Variants in FRMD4B observed in about 807,000 individuals in gnomAD.
FRMD4B encodes FERM domain-containing protein 4B.
In FRMD4B, 74 loss-of-function variants were observed where a neutral mutation model predicts 141.5. The observed-to-expected ratio is 0.52, with a 90% CI of 0.43 to 0.63. The LOEUF (loss-of-function observed/expected upper bound fraction) is 0.63, where lower values mean the gene tolerates loss of function less well. Among genes scored for constraint, FRMD4B ranks in the 30% least tolerant of loss-of-function variants. FRMD4B has a pLI of 0.00. For synonymous variants in FRMD4B, 506 were observed against 467.9 expected (o/e 1.08, Z -1.05); for missense variants, 1,366 against 1,253.4 (o/e 1.09, Z -1.36).
intron 1 of FRMD4B, among the ~76,000 whole-genome samples, chr3:69,501,100 C>A (rs6770589): frequency 2.0e-5 from 3 of 152,074 alleles, no homozygotes; most frequent in Non-Finnish European, 4.4e-5. Context: ...CCAAAATTTG[C>A]ATATTTATTA....
intron 1 of FRMD4B, chr3:69,353,665 A>T: frequency 1.0e-6 from 1 of 984,912 alleles, no homozygotes; most frequent in Non-Finnish European, 1.2e-6. Flanking sequence ...GTGTGCGCGC[A>T]TGTGCTTGCA....
At position 69,420,700 on chromosome 3, in the gene FRMD4B, C is replaced by T. The variant is rs139269185; in HGVS notation, c.-1+11934G>A. 1.3e-3 allele frequency among the ~76,000 whole-genome samples: 200 copies of T among 152,264 alleles called. 1 individual carries two copies. Among genetic ancestry groups the T allele is most frequent in the Admixed American group, 3.1e-3 (47 of 15,288 alleles). ...GAAATGCACAATAATATGTAACATTCATACTGTGAAACACTATTTCAAAGC... is the reference window on the plus strand; with the variant it reads ...GAAATGCACAATAATATGTAACATTTATACTGTGAAACACTATTTCAAAGC... On this transcript the variant is annotated intron_variant, in intron 2 of 5. Coordinates refer to the FRMD4B transcript ENST00000459638.
intron 1 of FRMD4B, among the ~76,000 whole-genome samples, chr3:69,468,127 T>C (rs975291263): frequency 2.0e-5 from 3 of 152,024 alleles, no homozygotes; most frequent in Admixed American, 6.6e-5. Context: ...TTACATTCTG[T>C]TGCTTTGCTT....
At chr3:69,180,739 C>A (rs1473383511) in intron 21 of FRMD4B, among the ~76,000 whole-genome samples, 160 bp downstream of exon 21, 1 of 152,178 alleles carries the variant, frequency 6.6e-6, no homozygotes, top group South Asian at 2.1e-4. Context: ...CTGGAAAGAA[C>A]TGTTTTTAAG....
chr3:69,302,991 T>C (rs1265029479), intron 3 of FRMD4B, among the ~76,000 whole-genome samples: 1 of 152,090 alleles, frequency 6.6e-6, no homozygotes, highest in Non-Finnish European at 1.5e-5. Context: ...GGAGAATCGC[T>C]TGAACCCGGG....
At chr3:69,212,061 A>G (rs2093086425) in intron 11 of FRMD4B, among the ~76,000 whole-genome samples, 1 of 151,684 alleles carries the variant, frequency 6.6e-6, no homozygotes, top group Non-Finnish European at 1.5e-5. Context: ...AGAGAAGGCA[A>G]GAAAGTGATA....
Position 69,435,689 on chromosome 3 carries a change from G to T in FRMD4B, c.-128-2928C>A, listed in dbSNP as rs535921314. ...TCCTGGTTTAAACTGTGTTAATCAG[G>T]TTTCTTTACAGTAGGGCTTTTCAAG... On this transcript the variant is annotated intron_variant, in intron 1 of 5. Transcript: ENST00000459638. 3.9e-5 allele frequency among the ~76,000 whole-genome samples: 6 copies of T among 152,280 alleles called. No individual in the cohort carries two copies. In the South Asian group the frequency reaches 1.2e-3, roughly 32 times the overall value.
At chr3:69,493,927 A>G (rs1421350235) in intron 1 of FRMD4B, among the ~76,000 whole-genome samples, 1 of 152,230 alleles carries the variant, frequency 6.6e-6, no homozygotes, top group Non-Finnish European at 1.5e-5. Context: ...ACTGGGGTGC[A>G]GTAGTGGGGT....
intron 1 of FRMD4B, among the ~76,000 whole-genome samples, chr3:69,489,100 C>T (rs992104506): frequency 6.6e-5 from 10 of 151,584 alleles, no homozygotes; most frequent in Non-Finnish European, 2.9e-5. Flanking sequence ...TGTGAAAAGA[C>T]AATCCACTGT....
chr3:69,244,335 G>C (rs75810930), intron 7 of FRMD4B, among the ~76,000 whole-genome samples: 2,736 of 152,296 alleles, frequency 0.018, 88 homozygotes, highest in African/African-American at 0.062. Context: ...CGGAAATGCT[G>C]AATTCAAGAA....
chr3:69,498,307 T>A (rs576636763), intron 1 of FRMD4B, among the ~76,000 whole-genome samples: 1 of 152,168 alleles, frequency 6.6e-6, no homozygotes, highest in South Asian at 2.1e-4. Flanking sequence ...GAACTTATCA[T>A]TTAATATTTT....
chr3:69,271,984 AAAAAT>A (rs750102677), intron 5 of FRMD4B, among the ~76,000 whole-genome samples: 4 of 152,078 alleles, frequency 2.6e-5, no homozygotes, highest in East Asian at 1.9e-4. Context: ...CAAAAAAATA[AAAAAT>A]AAAATAAAAT....
chr3:69,380,652 C>T (rs1704092358), intron 1 of FRMD4B, among the ~76,000 whole-genome samples: 2 of 152,182 alleles, frequency 1.3e-5, no homozygotes, highest in South Asian at 2.1e-4. Flanking sequence ...ACAGACTCTG[C>T]CGTGTTCTGT....
chr3:69,441,611 T>C (rs188978372), intron 1 of FRMD4B, among the ~76,000 whole-genome samples: 3 of 152,328 alleles, frequency 2.0e-5, no homozygotes, highest in East Asian at 1.9e-4. Flanking sequence ...CTCCACATGA[T>C]TGAGGACCTT....
chr3:69,214,338 C>A (rs1343733190), intron 11 of FRMD4B, among the ~76,000 whole-genome samples: 1 of 152,010 alleles, frequency 6.6e-6, no homozygotes, highest in Admixed American at 6.6e-5. Flanking sequence ...TGTGATAATG[C>A]AGGTAGCTGA....
At chr3:69,389,425 G>GT (rs1251010369), upstream of FRMD4B, among the ~76,000 whole-genome samples, 1 of 152,164 alleles carries the variant, frequency 6.6e-6, no homozygotes, top group Non-Finnish European at 1.5e-5. Context: ...ATGACTTTCT[G>GT]TTTGCTGAAG....
At chr3:69,431,874 G>T (rs1705185549) in intron 2 of FRMD4B, among the ~76,000 whole-genome samples, 1 of 152,206 alleles carries the variant, frequency 6.6e-6, no homozygotes, top group South Asian at 2.1e-4. Flanking sequence ...GCAGTTCATA[G>T]TTGTGCATAT....
In FRMD4B at chr3:69,472,925, C is replaced by CTTTTTTTTTTTT. The variant is rs796453101; in HGVS notation, c.-128-40176_-128-40165dup. On this transcript the variant is annotated intron_variant, in intron 1 of 5. Transcript: ENST00000459638. Reference sequence around the variant, plus strand: ...TATCCAAGGCTTCAAGTGAGTCTTTCTTTTTTTTTTTTCTTTTTTTTTTTT... The same window carrying CTTTTTTTTTTTT: ...TATCCAAGGCTTCAAGTGAGTCTTTCTTTTTTTTTTTTTTTTTTTTTTTTCTTTTTTTTTTTT... 4.5e-3 allele frequency among the ~76,000 whole-genome samples: 407 copies of CTTTTTTTTTTTT among 90,836 alleles called. 22 individuals carry two copies. Among genetic ancestry groups the CTTTTTTTTTTTT allele is most frequent in the African/African-American group, 5.7e-3 (119 of 20,740 alleles). The allele number at this position is 90,836 out of a possible 152,430, so 59.6% of individuals were successfully genotyped here.
At chr3:69,472,571 C>T (rs886582864) in intron 1 of FRMD4B, 1 of 217,116 alleles carries the variant, frequency 4.6e-6, no homozygotes. Flanking sequence ...CAAAATGTTA[C>T]AGTTTTGCCA....
Sources: allele counts gnomAD v4.1 joint callset (sites outside exome capture counted in the v4.1 genomes callset), GRCh38; gene constraint gnomAD v4.1.1; transcripts MANE v1.5; gene names NCBI Gene and HGNC (gene_info 2026-07-23, HGNC 2026-07-21).